The following DGKG variants were observed in gnomAD, a reference collection of about 807,000 sequenced individuals.
DGKG encodes the protein diacylglycerol kinase gamma.
A neutral mutation model predicts 105.3 loss-of-function variants in DGKG; 78 were observed. That is an observed-to-expected ratio of 0.74 (90% confidence interval 0.62 to 0.89). The LOEUF (loss-of-function observed/expected upper bound fraction) is 0.89. DGKG is among the 40% of genes least tolerant of loss of function. DGKG has a pLI of 0.00. For missense variants in DGKG, 958 were observed against 1,020.1 expected (o/e 0.94, Z 0.83); for synonymous variants, 346 against 367.1 (o/e 0.94, Z 0.66).
At position 186,314,974 on chromosome 3, in the gene DGKG, C is replaced by A. The variant is rs568496957; in HGVS notation, c.67+5419G>T. ...AATTGAAGAAAAAATGCCCACCCCC[C>A]AATGGCCACCAGCAATTATTGTTAG... On this transcript the variant is annotated intron_variant, in intron 2 of 24. Coordinates refer to ENST00000265022, the MANE Select transcript of DGKG (RefSeq NM_001346.3). Among the ~76,000 whole-genome samples, 29 of 152,230 alleles carry A rather than the reference C, an allele frequency of 1.9e-4. No homozygotes were observed. In the South Asian group the frequency reaches 5.6e-3, roughly 29 times the overall value.
In DGKG at chr3:186,161,259, G is replaced by A. The variant is rs191218045; in HGVS notation, c.2277+344C>T. The stretch of plus-strand genomic sequence containing the variant: ...TCAGCAGAACAGTCTTCCTTTTGAG[G>A]TAGTAAATTCCTTGCCATTGACATG... On this transcript the variant is annotated intron_variant, in intron 24 of 24. Transcript: ENST00000265022. 7 of 1,056,082 alleles carry A rather than the reference G, an allele frequency of 6.6e-6. No individual in the cohort carries two copies. In the African/African-American group the frequency reaches 1.2e-4, roughly 18 times the overall value. 65.4% of individuals were successfully genotyped at this position (1,056,082 alleles called of 1,614,324 possible).
chr3:186,161,059 G>T, intron 24 of DGKG: 2 of 986,714 alleles, frequency 2.0e-6, no homozygotes, highest in Non-Finnish European at 2.4e-6. Flanking sequence ...TCATTCAGTG[G>T]AATTTTCAAG....
At chr3:186,300,173 T>A (rs1723854521) in intron 3 of DGKG, among the ~76,000 whole-genome samples, 1 of 152,260 alleles carries the variant, frequency 6.6e-6, no homozygotes, top group Non-Finnish European at 1.5e-5. Context: ...CCTTGATCCT[T>A]GATTCCATCC....
In DGKG at chr3:186,149,266, A is replaced by G. The variant is rs1715644468; in HGVS notation, c.*824T>C. The G allele has an allele frequency of 1.0e-6, 1 of 985,004 alleles. No individual in the cohort carries two copies. The allele number at this position is 985,004 out of a possible 1,614,324, so 61.0% of individuals were successfully genotyped here. On this transcript the variant is annotated 3_prime_UTR_variant, in exon 25 of 25. Transcript: ENST00000265022. The stretch of plus-strand genomic sequence containing the variant: ...TTTTTTCCTTCCCTTTTTACACAAT[A>G]TTATGACACCAATTTGAAAAATAAA...
chr3:186,295,638 T>TAAAAAAAAAA (rs34829528), intron 5 of DGKG, among the ~76,000 whole-genome samples: 1 of 84,528 alleles, frequency 1.2e-5, no homozygotes, highest in African/African-American at 5.0e-5. Flanking sequence ...TAATGCACAG[T>TAAAAAAAAAA]AAAAAAAAAA....
At chr3:186,218,434 T>C (rs563827005) in intron 20 of DGKG, among the ~76,000 whole-genome samples, 2 of 139,760 alleles carry the variant, frequency 1.4e-5, no homozygotes, top group Non-Finnish European at 3.0e-5. Flanking sequence ...AACCAGGGAG[T>C]TGGAGGTTGC....
At chr3:186,153,406 G>A (rs1241884010) in intron 24 of DGKG, among the ~76,000 whole-genome samples, 1 of 152,118 alleles carries the variant, frequency 6.6e-6, no homozygotes, top group Non-Finnish European at 1.5e-5. Flanking sequence ...GTAATTGGGC[G>A]AGTCAGGCCA....
chr3:186,297,456 G>A lies in DGKG; in HGVS notation c.338C>T (p.Ala113Val). The change falls in exon 5 of 25, where the codon GCC (alanine) becomes GTC (valine). Residue 113 changes from alanine (A) to valine (V), a missense_variant. Around this residue, in one of 2 missense-constraint regions of DGKG, gnomAD observed 643 missense variants for 619.5 expected, o/e 1.04. Coordinates refer to ENST00000265022, the MANE Select transcript of DGKG (RefSeq NM_001346.3). ...GGCACAGGCCTCGTCTGCTTTGGTG[G>A]CATTATCTGCATTCTGTATATTAGT... ...ADTNIQNADN[A>V]TKADEACAPD... 1 of 1,612,136 alleles carries A rather than the reference G, an allele frequency of 6.2e-7. No homozygotes were observed.
At chr3:186,156,314 T>C (rs1716034340) in intron 24 of DGKG, among the ~76,000 whole-genome samples, 2 of 152,150 alleles carry the variant, frequency 1.3e-5, no homozygotes, top group Non-Finnish European at 2.9e-5. Context: ...AGAGGTTCTA[T>C]ATAAAGACAT....
intron 20 of DGKG, among the ~76,000 whole-genome samples, chr3:186,237,701 T>A (rs554501063): frequency 6.6e-6 from 1 of 152,346 alleles, no homozygotes; most frequent in African/African-American, 2.4e-5. Context: ...GAAATCTATG[T>A]GAGACAGCAG....
chr3:186,184,106 T>C (rs1232102881), intron 22 of DGKG, among the ~76,000 whole-genome samples: 1 of 148,578 alleles, frequency 6.7e-6, no homozygotes, highest in Non-Finnish European at 1.5e-5. Context: ...AATAGAATTA[T>C]AGGCGTAGGG....
At chr3:186,272,160 A>G (rs1197726167) in intron 11 of DGKG, 95 bp downstream of exon 11, 1 of 925,112 alleles carries the variant, frequency 1.1e-6, no homozygotes, top group East Asian at 2.4e-5. Flanking sequence ...GACTGGATGA[A>G]GCTCCCAGTG....
At chr3:186,158,626 T>TTTAA (rs1716144517) in intron 24 of DGKG, 1 of 923,114 alleles carries the variant, frequency 1.1e-6, no homozygotes, top group South Asian at 5.0e-5. Flanking sequence ...AAATATGATA[T>TTTAA]TTAATTTCTT....
At chr3:186,293,245 G>A (rs565192020) in intron 5 of DGKG, among the ~76,000 whole-genome samples, 1 of 152,274 alleles carries the variant, frequency 6.6e-6, no homozygotes, top group South Asian at 2.1e-4. Flanking sequence ...TAGTTTCGCT[G>A]CCCTAAAAAT....
chr3:186,213,396 G>A (rs1719131192), intron 20 of DGKG, among the ~76,000 whole-genome samples: 2 of 152,226 alleles, frequency 1.3e-5, no homozygotes, highest in South Asian at 4.1e-4. Flanking sequence ...GCCACACATA[G>A]ATTTTCATTT....
intron 22 of DGKG, among the ~76,000 whole-genome samples, chr3:186,181,199 G>A (rs1717344126): frequency 6.6e-6 from 1 of 152,158 alleles, no homozygotes; most frequent in Non-Finnish European, 1.5e-5. Context: ...CACACCCAGT[G>A]GCTATAAAGA....
intron 24 of DGKG, among the ~76,000 whole-genome samples, chr3:186,155,605 TC>T (rs1421681095): frequency 1.3e-5 from 2 of 152,246 alleles, no homozygotes; most frequent in Admixed American, 1.3e-4. Context: ...TCTCTGTATT[TC>T]TGGTAATCTG....
chr3:186,174,665 T>C (rs1404734467), intron 22 of DGKG, among the ~76,000 whole-genome samples: 6 of 33,114 alleles, frequency 1.8e-4, no homozygotes, highest in African/African-American at 6.8e-4. Context: ...TGTGTGTGTG[T>C]GTGTGTGTGT....
chr3:186,251,730 T>C (rs747439614), intron 19 of DGKG, 29 bp downstream of exon 19: 2 of 1,613,624 alleles, frequency 1.2e-6, no homozygotes, highest in Non-Finnish European at 1.7e-6. Context: ...TTCCCTTCCA[T>C]ACAGAAAGGT....
Sources: gnomAD v4.1 joint callset for allele counts (sites outside exome capture counted in the v4.1 genomes callset) on GRCh38, gnomAD v4.1.1 for gene constraint, gnomAD v4.1.1 regional missense constraint, MANE v1.5 for transcripts, NCBI Gene and HGNC (gene_info 2026-07-23, HGNC 2026-07-21) for gene names.